The following ITFG1 variants were observed in gnomAD, a reference collection of about 807,000 sequenced individuals.
ITFG1 encodes the protein T-cell immunomodulatory protein.
A neutral mutation model predicts 81.8 loss-of-function variants in ITFG1; 34 were observed. The ratio of observed to expected loss-of-function variants is 0.42; its 90% CI spans 0.32 to 0.55. The LOEUF (loss-of-function observed/expected upper bound fraction) is 0.55, where lower values mean the gene tolerates loss of function less well. Among genes scored for constraint, ITFG1 ranks in the 20% least tolerant of loss-of-function variants. The probability of loss-of-function intolerance (pLI) is 0.17; values close to 1 mark genes in which losing one functional copy is unlikely to be tolerated. For synonymous variants in ITFG1, 285 were observed against 270.6 expected (o/e 1.05, Z -0.52); for missense variants, 672 against 755.4 (o/e 0.89, Z 1.29).
chr16:47,362,245 A>G (rs924306836), intron 8 of ITFG1, among the ~76,000 whole-genome samples: 1 of 152,132 alleles, frequency 6.6e-6, no homozygotes, highest in Non-Finnish European at 1.5e-5. Context: ...TTCCACCTTT[A>G]GAAAATACTG....
intron 14 of ITFG1, among the ~76,000 whole-genome samples, chr16:47,187,160 A>C (rs1344505301): frequency 2.6e-5 from 4 of 152,286 alleles, no homozygotes; most frequent in South Asian, 4.1e-4. Flanking sequence ...TAGGAAGAAT[A>C]AATATTGTGA....
At chr16:47,338,560 C>CA (rs1230968313) in intron 8 of ITFG1, among the ~76,000 whole-genome samples, 1 of 150,934 alleles carries the variant, frequency 6.6e-6, no homozygotes, top group African/African-American at 2.4e-5. Flanking sequence ...ATACAAAGAA[C>CA]AAAAAATTTA....
intron 8 of ITFG1, among the ~76,000 whole-genome samples, chr16:47,341,454 A>G (rs1311926559): frequency 6.6e-6 from 1 of 150,982 alleles, no homozygotes; most frequent in African/African-American, 2.4e-5. Flanking sequence ...AAATGAAAAT[A>G]AAAATATAAC....
intron 5 of ITFG1, among the ~76,000 whole-genome samples, chr16:47,447,707 T>G: frequency 6.6e-6 from 1 of 152,130 alleles, no homozygotes; most frequent in Admixed American, 6.6e-5. Context: ...TATAGACCCT[T>G]AAGAAATGAA....
chr16:47,412,588 G>A (rs1596966840), intron 6 of ITFG1, among the ~76,000 whole-genome samples: 1 of 152,022 alleles, frequency 6.6e-6, no homozygotes, highest in Admixed American at 6.5e-5. Context: ...CAGCTACTTG[G>A]GTGGCTGAGG....
At chr16:47,156,970 G>A (rs1049637902) in intron 17 of ITFG1, among the ~76,000 whole-genome samples, 1 of 152,124 alleles carries the variant, frequency 6.6e-6, no homozygotes, top group African/African-American at 2.4e-5. Flanking sequence ...ATGGAAAGGG[G>A]AGAGAATGGA....
intron 8 of ITFG1, among the ~76,000 whole-genome samples, chr16:47,353,036 A>G (rs1202473226): frequency 6.6e-6 from 1 of 151,768 alleles, no homozygotes; most frequent in Non-Finnish European, 1.5e-5. Context: ...AGGAAGGGGA[A>G]TATCACACAC....
At chr16:47,278,693 C>T (rs954596850) in intron 10 of ITFG1, among the ~76,000 whole-genome samples, 1 of 152,094 alleles carries the variant, frequency 6.6e-6, no homozygotes, top group African/African-American at 2.4e-5. Flanking sequence ...ACTTCTAATG[C>T]TGTTACTCTA....
intron 10 of ITFG1, among the ~76,000 whole-genome samples, chr16:47,270,346 C>A (rs1383890869): frequency 6.8e-6 from 1 of 147,116 alleles, no homozygotes; most frequent in Non-Finnish European, 1.5e-5. Flanking sequence ...ATATAAAAAT[C>A]TTTCAATATT....
chr16:47,402,230 T>C (rs184550565), intron 6 of ITFG1, among the ~76,000 whole-genome samples: 2 of 152,188 alleles, frequency 1.3e-5, no homozygotes, highest in African/African-American at 2.4e-5. Flanking sequence ...ATAAATCTTA[T>C]CAACATCTAA....
chr16:47,423,864 T>A lies in ITFG1; in HGVS notation c.655+4940A>T, dbSNP rs184341504. Among the ~76,000 whole-genome samples, 90 of 152,334 alleles carry A rather than the reference T, an allele frequency of 5.9e-4. 2 individuals carry two copies. In the East Asian group the frequency reaches 0.015, roughly 26 times the overall value. ...TTCTCTCTGGCTGCCCTTGACATTT[T>A]TTCCTTCATTTCAACCTTAGTGAAT... On this transcript the variant is annotated intron_variant, in intron 6 of 17. Coordinates refer to ENST00000320640, the MANE Select transcript of ITFG1 (RefSeq NM_030790.5).
chr16:47,198,111 C>A (rs1965380184), intron 14 of ITFG1, among the ~76,000 whole-genome samples: 1 of 152,112 alleles, frequency 6.6e-6, no homozygotes, highest in Non-Finnish European at 1.5e-5. Context: ...ATAAAGAAAA[C>A]AGCAAAATTA....
At chr16:47,266,250 C>A (rs893815690) in intron 10 of ITFG1, among the ~76,000 whole-genome samples, 2 of 152,158 alleles carry the variant, frequency 1.3e-5, no homozygotes, top group Non-Finnish European at 1.5e-5. Flanking sequence ...TGGAGTCTCG[C>A]TCTGTTGCCC....
At chr16:47,170,100 A>G (rs1454106506) in intron 14 of ITFG1, among the ~76,000 whole-genome samples, 1 of 152,136 alleles carries the variant, frequency 6.6e-6, no homozygotes. Context: ...ATTTTGTTGA[A>G]GATTTTTGTA....
At chr16:47,337,459 A>C (rs1429303764) in intron 8 of ITFG1, among the ~76,000 whole-genome samples, 1 of 152,128 alleles carries the variant, frequency 6.6e-6, no homozygotes, top group Non-Finnish European at 1.5e-5. Flanking sequence ...AATCCCAGCT[A>C]CTGGGGAGGC....
chr16:47,166,233 T>A (rs1964888430), intron 14 of ITFG1, among the ~76,000 whole-genome samples: 1 of 152,240 alleles, frequency 6.6e-6, no homozygotes, highest in Admixed American at 6.5e-5. Context: ...TTAAAAGACT[T>A]ATTTTGTCTA....
At chr16:47,442,949 T>A (rs942498904) in intron 5 of ITFG1, among the ~76,000 whole-genome samples, 1 of 152,196 alleles carries the variant, frequency 6.6e-6, no homozygotes, top group Admixed American at 6.5e-5. Context: ...GAAACCACCA[T>A]CAGAGTGAAC....
intron 12 of ITFG1, among the ~76,000 whole-genome samples, chr16:47,254,238 T>A (rs548924981): frequency 6.6e-6 from 1 of 152,060 alleles, no homozygotes; most frequent in Admixed American, 6.6e-5. Context: ...AAAAAAAATG[T>A]AAATGAATAA....
At chr16:47,195,784 G>T (rs1398689738) in intron 14 of ITFG1, among the ~76,000 whole-genome samples, 4 of 152,022 alleles carry the variant, frequency 2.6e-5, no homozygotes, top group Non-Finnish European at 2.9e-5. Flanking sequence ...TACATGTGCA[G>T]AATGTGCAGG....
Sources: gnomAD v4.1 joint callset for allele counts (sites outside exome capture counted in the v4.1 genomes callset) on GRCh38, gnomAD v4.1.1 for gene constraint, MANE v1.5 for transcripts, NCBI Gene and HGNC (gene_info 2026-07-23, HGNC 2026-07-21) for gene names.